PTPRG: variants seen among roughly 807,000 people sequenced by gnomAD.
The protein encoded by PTPRG is protein tyrosine phosphatase receptor type G, also known as receptor-type tyrosine-protein phosphatase gamma.
In PTPRG, 102 loss-of-function variants were observed where a neutral mutation model predicts 165.3. That is an observed-to-expected ratio of 0.62 (90% CI 0.53 to 0.73). The LOEUF is 0.73. Among genes scored for constraint, PTPRG ranks in the 30% least tolerant of loss-of-function variants. The probability of loss-of-function intolerance (pLI) is 0.00; values close to 1 mark genes in which losing one functional copy is unlikely to be tolerated. For missense variants in PTPRG, 1,866 were observed against 1,861.4 expected (o/e 1.00, Z -0.05); for synonymous variants, 675 against 669.5 (o/e 1.01, Z -0.13).
At position 61,562,029 on chromosome 3, in the gene PTPRG, TTAAACGGAA is replaced by T; in HGVS notation, c.-258_-250del. Reference sequence around the variant, plus strand: ...CCCTGCCCGATCGGCTCTCTCCTTTTTAAACGGAAAGCAGCCTTTCTCCGCCGAGAGGAT... The same window carrying T: ...CCCTGCCCGATCGGCTCTCTCCTTTTAGCAGCCTTTCTCCGCCGAGAGGAT... On this transcript the variant is annotated 5_prime_UTR_variant, in exon 1 of 30. An upstream open reading frame in the 5' UTR loses its in-frame stop. Coordinates refer to ENST00000474889, the MANE Select transcript of PTPRG (RefSeq NM_002841.4). The T allele has an allele frequency of 2.2e-6, 1 of 451,510 alleles. No homozygotes were observed. Among genetic ancestry groups the T allele is most frequent in the Non-Finnish European group, 4.0e-6 (1 of 250,718 alleles). 28.0% of individuals were successfully genotyped at this position (451,510 alleles called of 1,614,324 possible).
rs1700551594 is a variant in PTPRG, at chr3:62,217,951, G to C, written c.2156-900G>C. 6.6e-6 allele frequency: 1 copy of C among 152,368 alleles called. No homozygotes were observed. Among genetic ancestry groups the C allele is most frequent in the Admixed American group, 6.5e-5 (1 of 15,286 alleles). The allele number at this position is 152,368 out of a possible 1,614,324, so 9.4% of individuals were successfully genotyped here. ...GCTAACCTTTAGATTGTGGCTGCTG[G>C]TTACAGACGTGCTCTGGGAATAGGG... On this transcript the variant is annotated intron_variant, in intron 12 of 29. Coordinates refer to ENST00000474889, the MANE Select transcript of PTPRG (RefSeq NM_002841.4). This position sits in a 1 kb window ranked among gnomAD's most constrained non-coding sequence, Gnocchi z 4.3.
At chr3:61,832,627 A>T (rs1318915098) in intron 2 of PTPRG, among the ~76,000 whole-genome samples, 1 of 152,192 alleles carries the variant, frequency 6.6e-6, no homozygotes, top group Admixed American at 6.5e-5. Context: ...TCTTCATTTT[A>T]TAGCTGAGAA....
intron 14 of PTPRG, among the ~76,000 whole-genome samples, chr3:62,234,503 T>A (rs955559850): frequency 6.6e-6 from 1 of 152,022 alleles, no homozygotes; most frequent in African/African-American, 2.4e-5. Context: ...TTGTCAAACT[T>A]TGGCCTTTTT....
rs140955090 is a variant in PTPRG, at chr3:61,993,598, A to G, written c.370+3794A>G. Among the ~76,000 whole-genome samples, 12 of 152,290 alleles carry G rather than the reference A, an allele frequency of 7.9e-5. No homozygotes were observed. The East Asian group carries it at 2.3e-3, about 29-fold the overall frequency. The stretch of plus-strand genomic sequence containing the variant: ...ATGGTATCTGTGCATTATTTCTTAC[A>G]ACTGCATGTGAATCTGCTATTCTGA... On this transcript the variant is annotated intron_variant, in intron 3 of 29. Transcript: ENST00000474889.
Position 62,273,070 on chromosome 3 carries a change from G to C in PTPRG, c.3307G>C (p.Val1103Leu). ...KHIRTQRNYL[V>L]QTEEQYIFIH... is the part of the protein sequence containing the mutation. ...TATCAGGACACAGCGTAACTACCTC[G>C]TCCAGACTGAGGTAAGGAGTAGCTG... Residue 1103 changes from valine to leucine, a missense_variant, in exon 22 of 30, where the codon GTC becomes CTC. Physicochemically the swap from Val to Leu is conservative, Grantham distance 32. Transcript: ENST00000474889. This position sits in a 1 kb window ranked among gnomAD's most constrained non-coding sequence, Gnocchi z 4.1. 1 of 1,611,528 alleles carries C rather than the reference G, an allele frequency of 6.2e-7. No homozygotes were observed. The highest frequency in any genetic ancestry group is 8.5e-7 in the Non-Finnish European group (1 of 1,179,136).
At chr3:62,025,488 C>A (rs2041784841) in intron 4 of PTPRG, among the ~76,000 whole-genome samples, 1 of 151,950 alleles carries the variant, frequency 6.6e-6, no homozygotes, top group South Asian at 2.1e-4. Flanking sequence ...TTTACAGTAA[C>A]CAAATTTTCA....
chr3:62,169,885 CA>C (rs778647278), intron 8 of PTPRG, among the ~76,000 whole-genome samples: 202 of 152,186 alleles, frequency 1.3e-3, no homozygotes, highest in Middle Eastern at 3.4e-3. Context: ...TTTGTAGGAA[CA>C]GGGGGAATGG....
At chr3:61,954,296 A>C (rs1575819771) in intron 2 of PTPRG, among the ~76,000 whole-genome samples, 1 of 152,092 alleles carries the variant, frequency 6.6e-6, no homozygotes, top group East Asian at 1.9e-4. Flanking sequence ...TGTGCTGGGA[A>C]ATGTGTTAGT....
At chr3:61,775,823 A>G (rs1247341717) in intron 2 of PTPRG, among the ~76,000 whole-genome samples, 1 of 151,818 alleles carries the variant, frequency 6.6e-6, no homozygotes, top group African/African-American at 2.4e-5. Context: ...AAACTATCGC[A>G]AGGACAAAAA....
At chr3:62,269,242 G>A (rs1701981134) in intron 20 of PTPRG, 73 bp downstream of exon 20, 1 of 1,406,330 alleles carries the variant, frequency 7.1e-7, no homozygotes. Context: ...GTACAACCAA[G>A]GCCAAATCTC....
At chr3:62,019,577 A>G (rs1360542083) in intron 4 of PTPRG, among the ~76,000 whole-genome samples, 1 of 151,920 alleles carries the variant, frequency 6.6e-6, no homozygotes, top group Non-Finnish European at 1.5e-5. Context: ...GATCTGTTGT[A>G]TAACAGGGTG....
At chr3:62,292,368 A>G (rs985677882) in intron 28 of PTPRG, 53 bp from the exon 29 acceptor site, 3 of 1,547,802 alleles carry the variant, frequency 1.9e-6, no homozygotes, top group Non-Finnish European at 2.6e-6. Flanking sequence ...TCATTTCAAT[A>G]TATTTGGTCC....
intron 15 of PTPRG, among the ~76,000 whole-genome samples, chr3:62,251,812 T>G (rs910099771): frequency 6.6e-6 from 1 of 152,184 alleles, no homozygotes; most frequent in Admixed American, 6.5e-5. Flanking sequence ...GGACCTGGGT[T>G]CAAATCTCAG....
intron 1 of PTPRG, among the ~76,000 whole-genome samples, chr3:61,610,615 A>C (rs1701137010): frequency 6.6e-6 from 1 of 152,256 alleles, no homozygotes; most frequent in African/African-American, 2.4e-5. Flanking sequence ...TAAGAGCTCA[A>C]CACTAATGCA....
intron 1 of PTPRG, among the ~76,000 whole-genome samples, chr3:61,733,840 C>G (rs919798509): frequency 6.6e-6 from 1 of 152,168 alleles, no homozygotes; most frequent in Non-Finnish European, 1.5e-5. Context: ...GCTCTGTACC[C>G]AGGCTGGAAT....
intron 1 of PTPRG, among the ~76,000 whole-genome samples, chr3:61,685,349 G>T (rs1703590605): frequency 1.3e-5 from 2 of 152,134 alleles, no homozygotes; most frequent in Admixed American, 1.3e-4. Flanking sequence ...GAAGAGGGTT[G>T]GTTAAAATTA....
At chr3:61,948,306 C>G (rs1265999296) in intron 2 of PTPRG, among the ~76,000 whole-genome samples, 2 of 151,724 alleles carry the variant, frequency 1.3e-5, no homozygotes, top group East Asian at 3.9e-4. Context: ...GCCTGGGCAA[C>G]AAGAGTAAAA....
chr3:61,971,746 C>G (rs2040389738), intron 2 of PTPRG, among the ~76,000 whole-genome samples: 1 of 152,194 alleles, frequency 6.6e-6, no homozygotes, highest in African/African-American at 2.4e-5. Flanking sequence ...GGTCGTACAA[C>G]TCTGTAAATT....
At chr3:61,592,241 A>G (rs1700586640) in intron 1 of PTPRG, among the ~76,000 whole-genome samples, 1 of 152,130 alleles carries the variant, frequency 6.6e-6, no homozygotes, top group South Asian at 2.1e-4. Context: ...TGCTGGGATT[A>G]CAGGTGTGAG....
Sources: gnomAD v4.1 joint callset for allele counts (sites outside exome capture counted in the v4.1 genomes callset) on GRCh38, gnomAD v4.1.1 for gene constraint, Gnocchi (gnomAD v3.1) non-coding constraint, MANE v1.5 for transcripts, NCBI Gene and HGNC (gene_info 2026-07-23, HGNC 2026-07-21) for gene names.